Variants in CACNA2D3 observed in about 807,000 individuals in gnomAD.
CACNA2D3 encodes voltage-dependent calcium channel subunit alpha-2/delta-3.
In CACNA2D3, 60 loss-of-function variants were observed where a neutral mutation model predicts 160.6. The observed-to-expected ratio is 0.37, with a 90% confidence interval of 0.30 to 0.46. CACNA2D3 has a LOEUF of 0.46. Among genes scored for constraint, CACNA2D3 ranks in the 20% least tolerant of loss-of-function variants. CACNA2D3 has a pLI of 1.00. For missense variants in CACNA2D3, 1,205 were observed against 1,365.0 expected (o/e 0.88, Z 1.85); for synonymous variants, 558 against 492.9 (o/e 1.13, Z -1.75).
chr3:54,177,584 C>T (rs1700701333), intron 2 of CACNA2D3, among the ~76,000 whole-genome samples: 1 of 152,156 alleles, frequency 6.6e-6, no homozygotes, highest in Admixed American at 6.5e-5. Flanking sequence ...ACAAAGCTTC[C>T]TTACGAGTTT....
At position 54,960,123 on chromosome 3, in the gene CACNA2D3, A is replaced by G. The variant is rs537481384; in HGVS notation, c.2450-8327A>G. Among the ~76,000 whole-genome samples the G allele has an allele frequency of 2.0e-5, 3 of 151,942 alleles. No individual in the cohort carries two copies. The East Asian group carries it at 5.8e-4, about 29-fold the overall frequency. On this transcript the variant is annotated intron_variant, in intron 27 of 37. Transcript: ENST00000474759. ...GTGATTATGAAAGAAATGTGTGGCC[A>G]AATGGATCAGGCCTTCCTACACTGG...
chr3:54,128,240 C>T (rs1699637179), intron 2 of CACNA2D3, among the ~76,000 whole-genome samples: 1 of 152,104 alleles, frequency 6.6e-6, no homozygotes, highest in South Asian at 2.1e-4. Context: ...TTCTGAAATC[C>T]ATTGGGCCTG....
intron 27 of CACNA2D3, among the ~76,000 whole-genome samples, chr3:54,913,438 A>G (rs942736697): frequency 1.3e-5 from 2 of 152,154 alleles, no homozygotes; most frequent in African/African-American, 2.4e-5. Context: ...ATTGGCTAGC[A>G]TCTTAATCTA....
intron 5 of CACNA2D3, among the ~76,000 whole-genome samples, chr3:54,512,808 C>T (rs1263110450): frequency 6.6e-6 from 1 of 152,172 alleles, no homozygotes; most frequent in African/African-American, 2.4e-5. Context: ...AGTCTGTTTT[C>T]ATACTGCTGA....
At chr3:54,626,684 C>CAAAAAAAAAAAAAAAAAAAAAAAAA in intron 9 of CACNA2D3, 1 of 313,444 alleles carries the variant, frequency 3.2e-6, no homozygotes, top group South Asian at 3.4e-5. Context: ...TGGTTCCAGT[C>CAAAAAAAAAAAAAAAAAAAAAAAAA]AAAAAAAAAA....
At chr3:54,347,059 C>T (rs74400214) in intron 3 of CACNA2D3, among the ~76,000 whole-genome samples, 107 of 152,316 alleles carry the variant, frequency 7.0e-4, no homozygotes, top group Non-Finnish European at 1.3e-3. Flanking sequence ...AGGAAAATGA[C>T]AAAGCCAGCC....
At chr3:54,532,661 A>G (rs539978629) in intron 5 of CACNA2D3, among the ~76,000 whole-genome samples, 3 of 152,212 alleles carry the variant, frequency 2.0e-5, no homozygotes, top group Non-Finnish European at 4.4e-5. Context: ...GTAATATTCC[A>G]TGGTATACAT....
intron 4 of CACNA2D3, among the ~76,000 whole-genome samples, chr3:54,463,802 C>T (rs1023796745): frequency 9.2e-5 from 14 of 152,158 alleles, no homozygotes; most frequent in South Asian, 2.1e-4. Flanking sequence ...AGCTTTGTTC[C>T]GTTGCTGGTG....
At chr3:54,465,087 A>G (rs1440438894) in intron 4 of CACNA2D3, among the ~76,000 whole-genome samples, 1 of 151,416 alleles carries the variant, frequency 6.6e-6, no homozygotes, top group Non-Finnish European at 1.5e-5. Context: ...TTATTTCAAA[A>G]GATCTGTCTT....
At chr3:54,370,420 C>T (rs1056405220) in intron 3 of CACNA2D3, among the ~76,000 whole-genome samples, 2 of 152,156 alleles carry the variant, frequency 1.3e-5, no homozygotes, top group Admixed American at 6.5e-5. Context: ...TGAAATGGGT[C>T]GTTGTGCTAA....
At chr3:54,859,676 A>G (rs1699242950) in intron 17 of CACNA2D3, among the ~76,000 whole-genome samples, 1 of 152,006 alleles carries the variant, frequency 6.6e-6, no homozygotes. Context: ...TCTGTGTGCC[A>G]GCTAACCAAG....
chr3:54,316,519 A>G (rs1280660526), intron 2 of CACNA2D3, among the ~76,000 whole-genome samples: 1 of 152,192 alleles, frequency 6.6e-6, no homozygotes, highest in Non-Finnish European at 1.5e-5. Flanking sequence ...AAAGTAGTAT[A>G]TTCTTGGCTC....
At chr3:54,752,452 A>G (rs182343866) in intron 11 of CACNA2D3, 147 bp from the exon 12 acceptor site, 6 of 619,020 alleles carry the variant, frequency 9.7e-6, no homozygotes, top group Admixed American at 4.9e-5. Flanking sequence ...CTAGCTGACT[A>G]TACTTCAGAT....
intron 17 of CACNA2D3, among the ~76,000 whole-genome samples, chr3:54,848,340 T>TTG (rs1161622801): frequency 6.6e-6 from 1 of 152,230 alleles, no homozygotes; most frequent in Non-Finnish European, 1.5e-5. Context: ...GTTCTTCTGT[T>TTG]GACACACCAA....
chr3:54,704,112 G>C (rs766856526), intron 11 of CACNA2D3, among the ~76,000 whole-genome samples: 1 of 152,210 alleles, frequency 6.6e-6, no homozygotes. Context: ...GGTACAAAAG[G>C]CTCAGTGCTC....
intron 4 of CACNA2D3, 104 bp downstream of exon 4, chr3:54,386,878 G>A (rs1298719827): frequency 1.6e-5 from 17 of 1,062,072 alleles, no homozygotes; most frequent in Middle Eastern, 4.9e-4. Flanking sequence ...GGGAGGGAGA[G>A]GCTTTTGAGA....
intron 27 of CACNA2D3, among the ~76,000 whole-genome samples, chr3:54,907,950 A>G (rs766905509): frequency 1.3e-5 from 2 of 152,142 alleles, no homozygotes; most frequent in Non-Finnish European, 2.9e-5. Context: ...TGGATAGACA[A>G]CATTTAGCAC....
At chr3:54,598,165 G>A (rs367730537) in intron 9 of CACNA2D3, among the ~76,000 whole-genome samples, 2 of 150,934 alleles carry the variant, frequency 1.3e-5, no homozygotes, top group African/African-American at 2.4e-5. Context: ...AAAATTAGCC[G>A]GGCATGGCGA....
chr3:55,005,310 TAAAA>T (rs965563595), intron 32 of CACNA2D3, among the ~76,000 whole-genome samples: 1 of 151,446 alleles, frequency 6.6e-6, no homozygotes, highest in East Asian at 1.9e-4. Context: ...AAATTAAAAT[TAAAA>T]AAAGCCACTG....
Sources: allele counts gnomAD v4.1 joint callset (sites outside exome capture counted in the v4.1 genomes callset), GRCh38; gene constraint gnomAD v4.1.1; transcripts MANE v1.5; gene names NCBI Gene and HGNC (gene_info 2026-07-23, HGNC 2026-07-21).